The following ARHGDIB variants were observed in gnomAD, a reference collection of about 807,000 sequenced individuals.
ARHGDIB encodes rho GDP-dissociation inhibitor 2.
A neutral mutation model predicts 22.6 loss-of-function variants in ARHGDIB; 20 were observed. The observed-to-expected ratio is 0.88, with a 90% CI of 0.62 to 1.28. The LOEUF (loss-of-function observed/expected upper bound fraction) is 1.28. Among genes scored for constraint, ARHGDIB ranks in the 50% most tolerant of loss-of-function variants. ARHGDIB has a pLI of 0.00. For missense variants in ARHGDIB, 254 were observed against 245.4 expected, an observed-to-expected ratio of 1.04 and a Z score of -0.23; for synonymous variants, 114 against 96.1, an observed-to-expected ratio of 1.19 and a Z score of -1.09.
chr12:14,943,462 A>T (rs2120668731), intron 5 of ARHGDIB, among the ~76,000 whole-genome samples: 1 of 151,618 alleles, frequency 6.6e-6, no homozygotes, highest in Middle Eastern at 3.4e-3. Context: ...ACAAATTGAG[A>T]CCTCAGTTCT....
rs556412678 is a variant in ARHGDIB, at chr12:14,955,265, A to C, written c.-12-4541T>G. Reference sequence around the variant, plus strand: ...ATTTTACAAGTGCAAAAACTAAGACATAGAAGAAAATATTAAATATTTCAA... The same window carrying C: ...ATTTTACAAGTGCAAAAACTAAGACCTAGAAGAAAATATTAAATATTTCAA... On this transcript the variant is annotated intron_variant, in intron 1 of 5. Transcript: ENST00000228945. Among the ~76,000 whole-genome samples the C allele has an allele frequency of 7.9e-5, 12 of 152,350 alleles. No homozygotes were observed. In the South Asian group the frequency reaches 2.3e-3, roughly 29 times the overall value.
chr12:14,946,758 T>C (rs542462233), intron 4 of ARHGDIB, among the ~76,000 whole-genome samples: 2 of 152,320 alleles, frequency 1.3e-5, no homozygotes, highest in African/African-American at 4.8e-5. Flanking sequence ...TCACATTTCA[T>C]TTGAGGAAAC....
intron 1 of ARHGDIB, among the ~76,000 whole-genome samples, chr12:14,960,915 TAAC>T (rs1345675293): frequency 6.6e-6 from 1 of 152,176 alleles, no homozygotes; most frequent in African/African-American, 2.4e-5. Context: ...CATGAGTACA[TAAC>T]AATGTGCTAT....
intron 1 of ARHGDIB, among the ~76,000 whole-genome samples, chr12:14,957,644 G>C (rs1212275014): frequency 6.6e-6 from 1 of 152,204 alleles, no homozygotes; most frequent in Non-Finnish European, 1.5e-5. Context: ...CTCTGCGAAT[G>C]ATGAGAAATG....
chr12:14,958,997 A>T (rs1864356099), intron 1 of ARHGDIB, among the ~76,000 whole-genome samples: 1 of 152,140 alleles, frequency 6.6e-6, no homozygotes, highest in Admixed American at 6.5e-5. Flanking sequence ...ATTGGAGAAA[A>T]TTTCTTCCAT....
intron 5 of ARHGDIB, among the ~76,000 whole-genome samples, chr12:14,944,365 AC>A (rs1179025359): frequency 3.0e-5 from 4 of 134,734 alleles, no homozygotes; most frequent in African/African-American, 5.6e-5. Context: ...ACCTACTCCC[AC>A]CCCAGATACA....
intron 1 of ARHGDIB, among the ~76,000 whole-genome samples, chr12:14,957,349 G>C (rs1267888851): frequency 6.6e-6 from 1 of 152,160 alleles, no homozygotes; most frequent in African/African-American, 2.4e-5. Context: ...GCCCCAGTGT[G>C]GTCTGCTTTG....
At position 14,950,544 on chromosome 12, in the gene ARHGDIB, G is replaced by A. The variant is rs1470106389; in HGVS notation, c.169C>T (p.Pro57Ser). 1.1e-5 allele frequency: 17 copies of A among 1,612,980 alleles called. 1 individual carries two copies. The Admixed American group carries it at 2.5e-4, about 24-fold the overall frequency. ...TGTACACACATACCTGTCACCACAG[G>A]ACCATCTCCCAGCAGCGTTTTCTTG... ...KYKKTLLGDG[P>S]VVTDPKAPNV... is the part of the protein sequence containing the mutation. Residue 57 changes from proline to serine, a missense_variant, in exon 2 of 6, where the codon CCT becomes TCT. Transcript: ENST00000228945.
intron 2 of ARHGDIB, 72 bp downstream of exon 2, chr12:14,950,460 C>T: frequency 7.0e-7 from 1 of 1,422,282 alleles, no homozygotes; most frequent in Non-Finnish European, 9.5e-7. Context: ...TTTGCTGCTG[C>T]TCCTGAGCAG....
chr12:14,953,018 T>C (rs1459013691), intron 1 of ARHGDIB, among the ~76,000 whole-genome samples: 1 of 152,142 alleles, frequency 6.6e-6, no homozygotes, highest in Non-Finnish European at 1.5e-5. Context: ...TAGGACAAGA[T>C]TTGCCACCTT....
At chr12:14,955,966 A>G (rs764281888) in intron 1 of ARHGDIB, among the ~76,000 whole-genome samples, 3 of 152,188 alleles carry the variant, frequency 2.0e-5, no homozygotes, top group Non-Finnish European at 4.4e-5. Flanking sequence ...TAGTTCTTAC[A>G]GTAACTTTGT....
At chr12:14,951,957 G>T in intron 1 of ARHGDIB, among the ~76,000 whole-genome samples, 1 of 152,046 alleles carries the variant, frequency 6.6e-6, no homozygotes, top group Non-Finnish European at 1.5e-5. Context: ...AGGCCCTGTG[G>T]CTGACAGCCA....
intron 4 of ARHGDIB, 121 bp downstream of exon 4, chr12:14,947,752 G>T: frequency 2.4e-6 from 2 of 843,082 alleles, no homozygotes; most frequent in Non-Finnish European, 3.8e-6. Flanking sequence ...TCCAGACCCA[G>T]CTTGGGGGTA....
intron 1 of ARHGDIB, among the ~76,000 whole-genome samples, chr12:14,959,652 C>T (rs372593065): frequency 4.7e-4 from 72 of 152,254 alleles, no homozygotes; most frequent in African/African-American, 1.7e-3. Context: ...GTATCTTTCC[C>T]TCAGAATGAC....
chr12:14,942,833 T>C (rs1863902954), intron 5 of ARHGDIB, 112 bp from the exon 6 acceptor site: 7 of 909,684 alleles, frequency 7.7e-6, no homozygotes, highest in East Asian at 2.6e-5. Context: ...AGAGCAATGG[T>C]TTCCAAGCCT....
chr12:14,951,413 A>G (rs904882178), intron 1 of ARHGDIB, among the ~76,000 whole-genome samples: 3 of 152,194 alleles, frequency 2.0e-5, no homozygotes, highest in Non-Finnish European at 4.4e-5. Context: ...CTGGCACTTT[A>G]TACAATTTCC....
intron 1 of ARHGDIB, among the ~76,000 whole-genome samples, chr12:14,960,676 T>C (rs1356372237): frequency 6.6e-6 from 1 of 152,160 alleles, no homozygotes; most frequent in African/African-American, 2.4e-5. Flanking sequence ...GCTAATTTTG[T>C]ATTTTCAGTA....
At chr12:14,956,993 CT>C (rs1477986198) in intron 1 of ARHGDIB, among the ~76,000 whole-genome samples, 1 of 152,188 alleles carries the variant, frequency 6.6e-6, no homozygotes, top group Non-Finnish European at 1.5e-5. Flanking sequence ...AGAGCATCAT[CT>C]GTTTCATTAA....
chr12:14,948,226 A>G lies in ARHGDIB; in HGVS notation c.266-277T>C, dbSNP rs373696118. Among the ~76,000 whole-genome samples, 3 of 152,052 alleles carry G rather than the reference A, an allele frequency of 2.0e-5. No homozygotes were observed. The East Asian group carries it at 5.8e-4, about 29-fold the overall frequency. On this transcript the variant is annotated intron_variant, in intron 3 of 5. Coordinates refer to ENST00000228945, the MANE Select transcript of ARHGDIB (RefSeq NM_001175.7). ...GATGACAATGCTAAAAATACACAAG[A>G]CATTACAAATAATGAGTTGTGAAGA...
Sources: gnomAD v4.1 joint callset for allele counts (sites outside exome capture counted in the v4.1 genomes callset) on GRCh38, gnomAD v4.1.1 for gene constraint, MANE v1.5 for transcripts, NCBI Gene and HGNC (gene_info 2026-07-23, HGNC 2026-07-21) for gene names.